Variants in NUF2 observed in about 807,000 individuals in gnomAD.
The protein encoded by NUF2 is NUF2 component of NDC80 kinetochore complex, also known as kinetochore protein Nuf2.
A neutral mutation model predicts 61.8 loss-of-function variants in NUF2; 34 were observed. The ratio of observed to expected loss-of-function variants is 0.55; its 90% CI spans 0.42 to 0.73. The LOEUF (loss-of-function observed/expected upper bound fraction) is 0.73, where lower values mean the gene tolerates loss of function less well. Ranked by LOEUF, NUF2 falls within the 30% of genes least tolerant of loss-of-function variation. The probability of loss-of-function intolerance (pLI) is 0.00; values close to 1 mark genes in which losing one functional copy is unlikely to be tolerated. For synonymous variants in NUF2, 172 were observed against 181.6 expected (o/e 0.95, Z 0.42); for missense variants, 445 against 539.1 (o/e 0.83, Z 1.73).
chr1:163,336,919 T>A, intron 6 of NUF2, 71 bp downstream of exon 6: 1 of 975,742 alleles, frequency 1.0e-6, no homozygotes. Flanking sequence ...TAATCTGTTT[T>A]GAAATGATTG....
chr1:163,341,840 G>T (rs1235116304), intron 9 of NUF2, among the ~76,000 whole-genome samples: 1 of 152,070 alleles, frequency 6.6e-6, no homozygotes, highest in Admixed American at 6.6e-5. Flanking sequence ...ATGTTGGCCA[G>T]GCTGGTTTTG....
chr1:163,326,149 A>G lies in NUF2; in HGVS notation c.98A>G (p.Lys33Arg). The change falls in exon 2 of 14, where the codon AAG (lysine) becomes AGG (arginine). Residue 33 changes from lysine to arginine, a missense_variant. Coordinates refer to ENST00000271452, the MANE Select transcript of NUF2 (RefSeq NM_145697.3). ...GGAGCTGATGGTAAAAACCTCACCA[A>G]GAATGATCTTTATCCAAATCCAAAG... Reference protein sequence around the residue: ...LTGADGKNLTKNDLYPNPKPE... With the variant: ...LTGADGKNLTRNDLYPNPKPE... The G allele has an allele frequency of 1.2e-5, 20 of 1,613,176 alleles. No homozygotes were observed. Among genetic ancestry groups the G allele is most frequent in the East Asian group, 4.5e-5 (2 of 44,756 alleles).
intron 1 of NUF2, among the ~76,000 whole-genome samples, chr1:163,322,507 C>T (rs983268400): frequency 6.6e-6 from 1 of 152,138 alleles, no homozygotes. Context: ...ACACCTAATC[C>T]AAAATTCAAA....
Position 163,349,031 on chromosome 1 carries a change from G to A in NUF2, c.1211G>A (p.Gly404Glu). 6.2e-7 allele frequency: 1 copy of A among 1,612,050 alleles called. No individual in the cohort carries two copies. Among genetic ancestry groups the A allele is most frequent in the Non-Finnish European group, 8.5e-7 (1 of 1,179,390 alleles). The change falls in exon 13 of 14, where the codon GGA becomes GAA. Residue 404 changes from glycine to glutamate, a missense_variant. Coordinates refer to ENST00000271452, the MANE Select transcript of NUF2 (RefSeq NM_145697.3). ...INQEIQKIKLGIQQLKDAAER... is the reference protein window; with the variant it reads ...INQEIQKIKLEIQQLKDAAER... The stretch of plus-strand genomic sequence containing the variant: ...CAAGAAATCCAAAAAATTAAACTTG[G>A]AATTCAACAACTAAAAGATGCTGCT...
At chr1:163,327,098 TCACACACACACACACACACACACA>T (rs752584850) in intron 2 of NUF2, among the ~76,000 whole-genome samples, 5 of 33,300 alleles carry the variant, frequency 1.5e-4, no homozygotes, top group Non-Finnish European at 5.8e-4. Flanking sequence ...TTTCCTGTGT[TCACACACACACACACACACACACA>T]CACACACACA....
chr1:163,322,020 G>A lies in NUF2; in HGVS notation c.-213G>A, dbSNP rs947280012. 1 of 152,286 alleles carries A rather than the reference G, an allele frequency of 6.6e-6. No individual in the cohort carries two copies. The highest frequency in any genetic ancestry group is 1.5e-5 in the Non-Finnish European group (1 of 68,148). 9.4% of individuals were successfully genotyped at this position (152,286 alleles called of 1,614,324 possible). Reference sequence around the variant, plus strand: ...TTGCTGATTTTTGACTTTGCTTGTAGCTGCTCCCCGAACTCGCCGTCTTCC... The same window carrying A: ...TTGCTGATTTTTGACTTTGCTTGTAACTGCTCCCCGAACTCGCCGTCTTCC... On this transcript the variant is annotated 5_prime_UTR_variant, in exon 1 of 14. Coordinates refer to ENST00000271452, the MANE Select transcript of NUF2 (RefSeq NM_145697.3).
rs765626559 is a variant in NUF2, at chr1:163,326,033, T to C, written c.-19T>C. On this transcript the variant is annotated splice_region_variant and 5_prime_UTR_variant, in exon 2 of 14. Coordinates refer to ENST00000271452, the MANE Select transcript of NUF2 (RefSeq NM_145697.3). ...TCTCATTGTTTTTTCTTCCTTCAGA[T>C]TAACAGGAAACTTCCAAGATGGAAA... 12 of 1,609,266 alleles carry C rather than the reference T, an allele frequency of 7.5e-6. No individual in the cohort carries two copies. Among genetic ancestry groups the C allele is most frequent in the Non-Finnish European group, 1.0e-5 (12 of 1,177,056 alleles).
At chr1:163,323,603 T>G (rs1650311780) in intron 1 of NUF2, among the ~76,000 whole-genome samples, 1 of 151,976 alleles carries the variant, frequency 6.6e-6, no homozygotes, top group African/African-American at 2.4e-5. Context: ...GCTGTCGTCC[T>G]GGCTACTTGA....
At chr1:163,334,500 G>C (rs1330316811) in intron 5 of NUF2, among the ~76,000 whole-genome samples, 1 of 152,094 alleles carries the variant, frequency 6.6e-6, no homozygotes, top group Non-Finnish European at 1.5e-5. Flanking sequence ...TTGAGGCCAG[G>C]TGCAGTGACT....
Position 163,328,870 on chromosome 1 carries a change from G to A in NUF2, c.300G>A (p.Arg100=). ...THLDSFLPIC[R]VNDFETADIL... ...GGGACTCATTTTTGCCTATCTGCCGGGTGAATGACTTTGAGACTGCTGATA... is the reference window on the plus strand; with the variant it reads ...GGGACTCATTTTTGCCTATCTGCCGAGTGAATGACTTTGAGACTGCTGATA... The change falls in exon 5 of 14, where the codon CGG becomes CGA. Residue 100 remains arginine, a synonymous_variant. Transcript: ENST00000271452. 1.2e-6 allele frequency: 2 copies of A among 1,607,602 alleles called. No individual in the cohort carries two copies. Among genetic ancestry groups the A allele is most frequent in the Non-Finnish European group, 1.7e-6 (2 of 1,175,262 alleles).
At chr1:163,326,972 T>C (rs1257724353) in intron 2 of NUF2, among the ~76,000 whole-genome samples, 3 of 152,186 alleles carry the variant, frequency 2.0e-5, no homozygotes, top group African/African-American at 4.8e-5. Flanking sequence ...ACTGCTGTTT[T>C]AGAAGATCCG....
intron 5 of NUF2, among the ~76,000 whole-genome samples, chr1:163,333,872 A>T (rs977340028): frequency 6.6e-6 from 1 of 152,158 alleles, no homozygotes; most frequent in Non-Finnish European, 1.5e-5. Context: ...TCTTACATAC[A>T]TATATTGTGT....
intron 3 of NUF2, 48 bp downstream of exon 3, chr1:163,327,610 T>A: frequency 8.3e-7 from 1 of 1,206,866 alleles, no homozygotes; most frequent in Non-Finnish European, 1.2e-6. Flanking sequence ...TGTTTGTTTG[T>A]TTGTTTTGTT....
chr1:163,332,898 A>G (rs1176185560), intron 5 of NUF2, among the ~76,000 whole-genome samples: 1 of 152,208 alleles, frequency 6.6e-6, no homozygotes, highest in Non-Finnish European at 1.5e-5. Context: ...GCTATTATTC[A>G]GCCCACCACA....
At chr1:163,347,348 A>G (rs936573894) in intron 11 of NUF2, among the ~76,000 whole-genome samples, 2 of 152,228 alleles carry the variant, frequency 1.3e-5, no homozygotes, top group Admixed American at 6.5e-5. Context: ...TGCCCCAGGT[A>G]TTCTTTCCCA....
In NUF2 at chr1:163,354,191, A is replaced by G. The variant is rs142408051; in HGVS notation, c.1261-1144A>G. Among the ~76,000 whole-genome samples the G allele has an allele frequency of 3.9e-3, 587 of 152,192 alleles. 5 individuals carry two copies. Among genetic ancestry groups the G allele is most frequent in the Non-Finnish European group, 7.0e-3 (474 of 67,970 alleles). ...AGAAATAAAGCCTTCAAAAATTTTG[A>G]TTTATTTTCCTATTGGTTCATATTC... On this transcript the variant is annotated intron_variant, in intron 13 of 13. Transcript: ENST00000271452.
chr1:163,347,517 TC>T (rs1444315433), intron 11 of NUF2, among the ~76,000 whole-genome samples: 2 of 152,188 alleles, frequency 1.3e-5, no homozygotes, highest in Non-Finnish European at 2.9e-5. Flanking sequence ...TTAACATGTC[TC>T]CCTTTCAGTC....
At chr1:163,348,862 A>C in intron 12 of NUF2, 83 bp from the exon 13 acceptor site, 1 of 1,446,448 alleles carries the variant, frequency 6.9e-7, no homozygotes, top group Non-Finnish European at 9.5e-7. Flanking sequence ...ACACATGGTC[A>C]CTTTGGAATC....
chr1:163,352,633 G>A (rs1451057018), intron 13 of NUF2, among the ~76,000 whole-genome samples: 8 of 152,168 alleles, frequency 5.3e-5, no homozygotes, highest in Non-Finnish European at 8.8e-5. Context: ...TTGGGAGGCC[G>A]AGGCAGGCGG....
Sources: allele counts gnomAD v4.1 joint callset (sites outside exome capture counted in the v4.1 genomes callset), GRCh38; gene constraint gnomAD v4.1.1; transcripts MANE v1.5; gene names NCBI Gene and HGNC (gene_info 2026-07-23, HGNC 2026-07-21).